Variants in ANXA11 observed in about 807,000 individuals in gnomAD.
ANXA11 encodes 56 kDa autoantigen.
A neutral mutation model predicts 64.7 loss-of-function variants in ANXA11; 57 were observed. The ratio of observed to expected loss-of-function variants is 0.88; its 90% confidence interval spans 0.71 to 1.10. The LOEUF (loss-of-function observed/expected upper bound fraction) is 1.10. Among genes scored for constraint, ANXA11 ranks in the 50% least tolerant of loss-of-function variants. The probability of loss-of-function intolerance (pLI) is 0.00; values close to 1 mark genes in which losing one functional copy is unlikely to be tolerated. For missense variants in ANXA11, 675 were observed against 670.7 expected, an observed-to-expected ratio of 1.01 and a Z score of -0.07; for synonymous variants, 260 against 265.2, an observed-to-expected ratio of 0.98 and a Z score of 0.19.
chr10:80,179,747 G>A lies in ANXA11; in HGVS notation c.-57-3592C>T, dbSNP rs988883774. 2.6e-5 allele frequency among the ~76,000 whole-genome samples: 4 copies of A among 152,330 alleles called. No homozygotes were observed. The East Asian group carries it at 7.7e-4, about 29-fold the overall frequency. Reference sequence around the variant, plus strand: ...CTGCGTTAAATGAAGGTTGCCAGGTGGAGGTGGTTAGGAAGGAGGATGCTA... The same window carrying A: ...CTGCGTTAAATGAAGGTTGCCAGGTAGAGGTGGTTAGGAAGGAGGATGCTA... On this transcript the variant is annotated intron_variant, in intron 1 of 15. Coordinates refer to ENST00000422982, the MANE Select transcript of ANXA11 (RefSeq NM_145868.2).
At chr10:80,184,671 C>G (rs1467815273) in intron 1 of ANXA11, among the ~76,000 whole-genome samples, 1 of 152,170 alleles carries the variant, frequency 6.6e-6, no homozygotes, top group Non-Finnish European at 1.5e-5. Flanking sequence ...GCAAAAGACT[C>G]AGGTGCTGAT....
chr10:80,169,070 C>A lies in ANXA11; in HGVS notation c.460G>T (p.Gly154Cys). 6.5e-7 allele frequency: 1 copy of A among 1,535,564 alleles called. No homozygotes were observed. The highest frequency in any genetic ancestry group is 8.7e-7 in the Non-Finnish European group (1 of 1,147,036). Reference protein sequence around the residue: ...YPGQPPVTYPGQPPVPLPGQQ... With the variant: ...YPGQPPVTYPCQPPVPLPGQQ... ...CCAGGGAGTGGCACTGGAGGCTGAC[C>A]AGGGTAGGTCACTGGTGGCTGCCCA... is the stretch of plus-strand genomic sequence containing the variant. Residue 154 changes from glycine to cysteine, a missense_variant, in exon 5 of 16, where the codon GGT becomes TGT. Physicochemically the swap from Gly to Cys is radical, Grantham distance 159 (BLOSUM62 -3). Transcript: ENST00000422982.
At chr10:80,178,097 G>A (rs1846232870) in intron 1 of ANXA11, among the ~76,000 whole-genome samples, 1 of 152,152 alleles carries the variant, frequency 6.6e-6, no homozygotes, top group Non-Finnish European at 1.5e-5. Flanking sequence ...CCCCAGGGCT[G>A]CCATATCTGG....
intron 1 of ANXA11, chr10:80,204,954 G>A (rs897186369): frequency 6.6e-6 from 1 of 152,250 alleles, no homozygotes. Context: ...CACCCTGGAG[G>A]GCTCCGCAGG....
intron 8 of ANXA11, among the ~76,000 whole-genome samples, chr10:80,165,121 C>A (rs1845671588): frequency 6.6e-6 from 1 of 152,200 alleles, no homozygotes; most frequent in Non-Finnish European, 1.5e-5. Flanking sequence ...CTCCCTGGGG[C>A]CCCGGGCCAT....
intron 14 of ANXA11, 26 bp from the exon 15 acceptor site, chr10:80,157,789 G>A (rs368569582): frequency 5.2e-5 from 83 of 1,606,346 alleles, no homozygotes; most frequent in Non-Finnish European, 6.9e-5. Context: ...CCAAGAGCAT[G>A]AGCACCAGGC....
chr10:80,201,351 T>G (rs984394567), intron 1 of ANXA11, among the ~76,000 whole-genome samples: 5 of 152,114 alleles, frequency 3.3e-5, no homozygotes, highest in African/African-American at 1.2e-4. Context: ...CTTCCTTTAC[T>G]CAGCTGTTCG....
chr10:80,175,416 A>G (rs1430306871), intron 2 of ANXA11, among the ~76,000 whole-genome samples: 1 of 152,160 alleles, frequency 6.6e-6, no homozygotes, highest in East Asian at 1.9e-4. Context: ...CAGAGAAATG[A>G]AGCCAAAAGC....
At position 80,166,042 on chromosome 10, in the gene ANXA11, G is replaced by GCGCA. The variant is rs1554831664; in HGVS notation, c.858+41_858+42insTGCG. On this transcript the variant is annotated intron_variant, in intron 8 of 15. Transcript: ENST00000422982. ...CATGCGCGCGTGCGCACACACGCGC[G>GCGCA]CACACACACACACACACACACACAC... The GCGCA allele has an allele frequency of 2.5e-4, 111 of 451,862 alleles. 1 individual carries two copies. Among genetic ancestry groups the GCGCA allele is most frequent in the South Asian group, 2.0e-3 (92 of 45,446 alleles). The allele number at this position is 451,862 out of a possible 1,614,324, so 28.0% of individuals were successfully genotyped here.
intron 9 of ANXA11, 115 bp downstream of exon 9, chr10:80,163,938 G>A: frequency 6.9e-6 from 6 of 873,968 alleles, no homozygotes; most frequent in Non-Finnish European, 1.1e-5. Flanking sequence ...CAGAAGATGG[G>A]TTGATAAGAA....
intron 11 of ANXA11, among the ~76,000 whole-genome samples, chr10:80,162,760 C>T (rs1185387113): frequency 6.6e-6 from 1 of 152,184 alleles, no homozygotes; most frequent in African/African-American, 2.4e-5. Flanking sequence ...TGAAGGGAGA[C>T]AGAGAGGTAT....
At chr10:80,185,229 C>T (rs947926727) in intron 1 of ANXA11, among the ~76,000 whole-genome samples, 1 of 152,144 alleles carries the variant, frequency 6.6e-6, no homozygotes, top group Non-Finnish European at 1.5e-5. Context: ...ATCTACTGCC[C>T]CCAGAAGTCT....
chr10:80,168,241 C>G (rs1210088601), intron 5 of ANXA11, among the ~76,000 whole-genome samples: 1 of 133,970 alleles, frequency 7.5e-6, no homozygotes, highest in Admixed American at 7.6e-5. Flanking sequence ...TCCTCCAAAA[C>G]CTGTCTGTGC....
At chr10:80,191,706 C>A (rs1485241612) in intron 1 of ANXA11, among the ~76,000 whole-genome samples, 2 of 152,212 alleles carry the variant, frequency 1.3e-5, no homozygotes, top group African/African-American at 2.4e-5. Context: ...CATGAGTCAC[C>A]AGGGGACTTG....
intron 1 of ANXA11, among the ~76,000 whole-genome samples, chr10:80,187,260 AG>A (rs1846576190): frequency 1.8e-4 from 28 of 152,206 alleles, no homozygotes; most frequent in Admixed American, 1.7e-3. Context: ...ATGAGGTTGG[AG>A]TCCTCATGAA....
chr10:80,172,863 GT>G lies in ANXA11; in HGVS notation c.-3del, dbSNP rs1564613951. ...CGGGGGATAGCCAGGGTAGCTCATG[GT>G]TAGATCTGGAAGAGAAGACGAAAGC... On this transcript the variant is annotated 5_prime_UTR_variant, in exon 3 of 16. Transcript: ENST00000422982. The G allele has an allele frequency of 6.2e-7, 1 of 1,613,908 alleles. No individual in the cohort carries two copies. Among genetic ancestry groups the G allele is most frequent in the Admixed American group, 1.7e-5 (1 of 59,998 alleles).
At chr10:80,166,038 G>GCACA (rs762217655) in intron 8 of ANXA11, 46 bp downstream of exon 8, 71 of 557,408 alleles carry the variant, frequency 1.3e-4, no homozygotes, top group South Asian at 8.3e-4. Context: ...GCGCACACAC[G>GCACA]CGCGCACACA....
Position 80,166,218 on chromosome 10 carries a change from A to C in ANXA11, c.745-21T>G, listed in dbSNP as rs771194919. The C allele has an allele frequency of 4.0e-5, 56 of 1,403,634 alleles. No homozygotes were observed. The East Asian group carries it at 4.6e-4, about 11-fold the overall frequency. The allele number at this position is 1,403,634 out of a possible 1,614,324, so 86.9% of individuals were successfully genotyped here. A position where few individuals can be genotyped will look rare whatever the true frequency, so the allele number is the denominator to read the frequency against. ...AAATCCTGATTGGATATTCAAACAA[A>C]CAACCAACAAAAAAAAAAACAAGTC... On this transcript the variant is annotated intron_variant, in intron 7 of 15. Coordinates refer to ENST00000422982, the MANE Select transcript of ANXA11 (RefSeq NM_145868.2).
chr10:80,168,700 A>G (rs1845844149), intron 5 of ANXA11, among the ~76,000 whole-genome samples: 1 of 151,430 alleles, frequency 6.6e-6, no homozygotes, highest in African/African-American at 2.4e-5. Flanking sequence ...TGCCCAGCTA[A>G]TTTTTTTTCT....
Sources: gnomAD v4.1 joint callset for allele counts (sites outside exome capture counted in the v4.1 genomes callset) on GRCh38, gnomAD v4.1.1 for gene constraint, MANE v1.5 for transcripts, NCBI Gene and HGNC (gene_info 2026-07-23, HGNC 2026-07-21) for gene names.